Variants in DNAAF9 observed in about 807,000 individuals in gnomAD.
The protein encoded by DNAAF9 is shulin.
Under a neutral mutation model 167.0 loss-of-function variants are expected in DNAAF9, and 90 were observed. The observed-to-expected ratio is 0.54, with a 90% CI of 0.45 to 0.64. DNAAF9 has a LOEUF of 0.64. Among genes scored for constraint, DNAAF9 ranks in the 30% least tolerant of loss-of-function variants. The pLI, the probability that DNAAF9 is intolerant of heterozygous loss-of-function variation, is 0.00. For synonymous variants in DNAAF9, 491 were observed against 508.8 expected (o/e 0.96, Z 0.47); for missense variants, 1,315 against 1,442.2 (o/e 0.91, Z 1.43).
intron 16 of DNAAF9, 34 bp from the exon 17 acceptor site, chr20:3,318,434 C>G: frequency 9.2e-7 from 1 of 1,081,430 alleles, no homozygotes; most frequent in Non-Finnish European, 1.4e-6. Flanking sequence ...AGATCAGTTA[C>G]CAGCCCAAAA....
At chr20:3,360,823 G>A (rs2083352070) in intron 6 of DNAAF9, among the ~76,000 whole-genome samples, 1 of 152,222 alleles carries the variant, frequency 6.6e-6, no homozygotes. Flanking sequence ...TTACATGAAA[G>A]TAAAACAATT....
At chr20:3,279,207 C>T (rs1319876692) in intron 28 of DNAAF9, among the ~76,000 whole-genome samples, 1 of 152,156 alleles carries the variant, frequency 6.6e-6, no homozygotes, top group Admixed American at 6.5e-5. Flanking sequence ...GGGGACAGGA[C>T]CAGCTCTTTG....
At chr20:3,259,684 G>A (rs1416017957) in intron 32 of DNAAF9, 130 bp from the exon 33 acceptor site, 10 of 732,044 alleles carry the variant, frequency 1.4e-5, no homozygotes, top group South Asian at 3.1e-5. Flanking sequence ...GGTTCTACCC[G>A]CCACACCCTG....
Position 3,322,258 on chromosome 20 carries a change from C to G in DNAAF9, c.1315G>C (p.Val439Leu). Reference protein sequence around the residue: ...IHAVNNQGRIVPLDSEDSLSF... With the variant: ...IHAVNNQGRILPLDSEDSLSF... ...AAGCTATCTTCACTGTCCAGCGGTA[C>G]AATTCTAGGAGGGGAAAGAGATGGA... is the stretch of plus-strand genomic sequence containing the variant. The change falls in exon 16 of 37, where the codon GTA becomes CTA. Residue 439 changes from valine to leucine, a missense_variant. Val to Leu is a conservative substitution (Grantham distance 32). Coordinates refer to ENST00000252032, the MANE Select transcript of DNAAF9 (RefSeq NM_001009984.3). 6.2e-7 allele frequency: 1 copy of G among 1,606,942 alleles called. No homozygotes were observed. Among genetic ancestry groups the G allele is most frequent in the African/African-American group, 1.3e-5 (1 of 74,928 alleles).
chr20:3,295,752 T>C, intron 23 of DNAAF9: 1 of 679,260 alleles, frequency 1.5e-6, no homozygotes, highest in Non-Finnish European at 2.8e-6. Flanking sequence ...GTCCACTTTA[T>C]TCTGGAAGTC....
chr20:3,288,556 C>A (rs558947621), intron 26 of DNAAF9, among the ~76,000 whole-genome samples: 1 of 152,306 alleles, frequency 6.6e-6, no homozygotes, highest in South Asian at 2.1e-4. Flanking sequence ...AAATGAGGTC[C>A]TGTATTTCCC....
chr20:3,316,528 TAAG>T (rs2069502769), intron 18 of DNAAF9, among the ~76,000 whole-genome samples, 192 bp downstream of exon 18: 1 of 152,188 alleles, frequency 6.6e-6, no homozygotes, highest in Non-Finnish European at 1.5e-5. Flanking sequence ...GAAACTTTTC[TAAG>T]ATTATGAGAG....
rs753997576 is a variant in DNAAF9, at chr20:3,316,691, A to G, written c.1539+32T>C. 5.2e-5 allele frequency: 79 copies of G among 1,515,584 alleles called. 2 individuals carry two copies. In the South Asian group the frequency reaches 8.7e-4, roughly 17 times the overall value. 93.9% of individuals were successfully genotyped at this position (1,515,584 alleles called of 1,614,324 possible). On this transcript the variant is annotated intron_variant, in intron 18 of 36. Transcript: ENST00000252032. ...TGTTCACCCTGATTTCTCCACACGT[A>G]GGTCCACTTCCACCTGATGAATGAC... is the stretch of plus-strand genomic sequence containing the variant.
intron 10 of DNAAF9, among the ~76,000 whole-genome samples, chr20:3,333,346 T>C (rs2069875663): frequency 6.6e-6 from 1 of 152,154 alleles, no homozygotes; most frequent in African/African-American, 2.4e-5. Context: ...AGGTATAAAA[T>C]GCAAAAATAC....
At chr20:3,291,375 C>G (rs1196601777) in intron 25 of DNAAF9, among the ~76,000 whole-genome samples, 1 of 144,904 alleles carries the variant, frequency 6.9e-6, no homozygotes, top group East Asian at 2.0e-4. Context: ...GACGGAGTCT[C>G]GCTCCGTCGC....
Position 3,318,368 on chromosome 20 carries a change from T to C in DNAAF9, c.1389A>G (p.Leu463=), listed in dbSNP as rs2069548013. 4 of 1,604,568 alleles carry C rather than the reference T, an allele frequency of 2.5e-6. No homozygotes were observed. In the African/African-American group the frequency reaches 5.3e-5, roughly 21 times the overall value. Residue 463 remains leucine, a synonymous_variant, in exon 17 of 37, where the codon TTA becomes TTG. Transcript: ENST00000252032. The part of the protein sequence containing the change: ...ACMAVYDIPD[L]LGGNGCLGSV... ...ATCCTAAACAACCATTGCCTCCCAG[T>C]AAGTCAGGAATGTCATAGACGGCCA...
intron 7 of DNAAF9, among the ~76,000 whole-genome samples, chr20:3,354,968 G>A (rs2083264405): frequency 6.6e-6 from 1 of 152,138 alleles, no homozygotes; most frequent in African/African-American, 2.4e-5. Flanking sequence ...TGCAATTAAA[G>A]ATGCTCTCCC....
intron 1 of DNAAF9, among the ~76,000 whole-genome samples, chr20:3,397,759 T>C (rs2083930746): frequency 6.6e-6 from 1 of 152,150 alleles, no homozygotes; most frequent in South Asian, 2.1e-4. Flanking sequence ...ACTTCATTAA[T>C]AGATTTCCTA....
intron 10 of DNAAF9, among the ~76,000 whole-genome samples, chr20:3,339,852 T>C (rs1293258630): frequency 6.6e-6 from 1 of 152,210 alleles, no homozygotes; most frequent in African/African-American, 2.4e-5. Context: ...GCTGTGCCAC[T>C]GCACTCTAGC....
chr20:3,300,678 A>AAATAAT (rs34199778), intron 21 of DNAAF9, among the ~76,000 whole-genome samples: 2,143 of 134,052 alleles, frequency 0.016, 19 homozygotes, highest in South Asian at 0.017. Context: ...GACTCCATCT[A>AAATAAT]AATAATAATA....
At chr20:3,286,460 G>A (rs2236097) in intron 27 of DNAAF9, among the ~76,000 whole-genome samples, 86,941 of 152,066 alleles carry the variant, frequency 0.57, 24,912 homozygotes, top group Admixed American at 0.6. Flanking sequence ...CCACACCCTC[G>A]GTGACTCTCA....
At chr20:3,352,054 T>G (rs2070335850) in intron 7 of DNAAF9, among the ~76,000 whole-genome samples, 1 of 152,114 alleles carries the variant, frequency 6.6e-6, no homozygotes, top group Admixed American at 6.6e-5. Context: ...CCACTACACC[T>G]GGCCATCTAT....
intron 1 of DNAAF9, among the ~76,000 whole-genome samples, chr20:3,400,322 AG>A (rs1312972636): frequency 6.6e-6 from 1 of 152,200 alleles, no homozygotes; most frequent in Non-Finnish European, 1.5e-5. Flanking sequence ...TTCAAATAAA[AG>A]CTGGAGTAGT....
intron 26 of DNAAF9, among the ~76,000 whole-genome samples, chr20:3,288,268 T>A (rs947181689): frequency 6.6e-6 from 1 of 152,282 alleles, no homozygotes; most frequent in East Asian, 1.9e-4. Flanking sequence ...CTGACCAACA[T>A]AGAGAAATTC....
Sources: allele counts gnomAD v4.1 joint callset (sites outside exome capture counted in the v4.1 genomes callset), GRCh38; gene constraint gnomAD v4.1.1; transcripts MANE v1.5; gene names NCBI Gene and HGNC (gene_info 2026-07-23, HGNC 2026-07-21).